Variants in NAALADL2 observed in about 807,000 individuals in gnomAD.
The protein encoded by NAALADL2 is inactive N-acetylated-alpha-linked acidic dipeptidase-like protein 2.
In NAALADL2, 76 loss-of-function variants were observed where a neutral mutation model predicts 87.2. That is an observed-to-expected ratio of 0.87 (90% CI 0.72 to 1.05). The LOEUF (loss-of-function observed/expected upper bound fraction) is 1.05. Among genes scored for constraint, NAALADL2 ranks in the 50% least tolerant of loss-of-function variants. The pLI is 0.00. For synonymous variants in NAALADL2, 354 were observed against 331.0 expected, an observed-to-expected ratio of 1.07 and a Z score of -0.75; for missense variants, 1,089 against 945.8, an observed-to-expected ratio of 1.15 and a Z score of -1.99.
chr3:174,833,086 ACTGT>A (rs1470837423), intron 3 of NAALADL2, among the ~76,000 whole-genome samples: 16 of 152,176 alleles, frequency 1.1e-4, no homozygotes, highest in African/African-American at 3.4e-4. Flanking sequence ...ACTTTTAAAT[ACTGT>A]CTATTTAATT....
At chr3:174,592,324 C>T (rs1333111333) in intron 2 of NAALADL2, among the ~76,000 whole-genome samples, 1 of 151,998 alleles carries the variant, frequency 6.6e-6, no homozygotes, top group Non-Finnish European at 1.5e-5. Context: ...TGTATCTAAA[C>T]ATGTGTATGT....
chr3:174,891,489 G>A (rs1003995701), intron 1 of NAALADL2, among the ~76,000 whole-genome samples: 8 of 152,040 alleles, frequency 5.3e-5, no homozygotes, highest in African/African-American at 1.9e-4. Flanking sequence ...GCCTCTCTGG[G>A]TGCTGGAGGA....
At chr3:175,474,536 AT>A (rs1010509978) in intron 9 of NAALADL2, among the ~76,000 whole-genome samples, 11 of 152,200 alleles carry the variant, frequency 7.2e-5, no homozygotes, top group African/African-American at 2.7e-4. Flanking sequence ...ATTACTGGAT[AT>A]ATTGAGGTAT....
intron 2 of NAALADL2, among the ~76,000 whole-genome samples, chr3:174,585,217 T>C (rs1716572448): frequency 6.6e-6 from 1 of 152,140 alleles, no homozygotes; most frequent in Admixed American, 6.5e-5. Context: ...TAATCATTTG[T>C]GGAGTTTTGA....
chr3:174,777,700 G>T (rs368482442), intron 3 of NAALADL2, among the ~76,000 whole-genome samples: 1 of 152,042 alleles, frequency 6.6e-6, no homozygotes, highest in African/African-American at 2.4e-5. Context: ...TTTCCTTAAT[G>T]ACTTAAAAGA....
intron 2 of NAALADL2, among the ~76,000 whole-genome samples, chr3:175,197,988 C>A (rs1238098064): frequency 6.6e-6 from 1 of 152,000 alleles, no homozygotes; most frequent in Admixed American, 6.6e-5. Flanking sequence ...ATATAAATAT[C>A]TAATCTGTTG....
chr3:174,885,881 T>G (rs935396482), intron 1 of NAALADL2, among the ~76,000 whole-genome samples: 534 of 6,672 alleles, frequency 0.08, no homozygotes, highest in Non-Finnish European at 0.12. Flanking sequence ...GAGTTGTTTT[T>G]TTTTTTTTTT....
rs139865445 is a variant in NAALADL2 at position 175,237,744 on chromosome 3, C to T, written c.819+3540C>T. ...ATATTTTAACTTTCAAACTAATGCACGTGTGTATGTATCTATAACAATGGC... is the reference window on the plus strand; with the variant it reads ...ATATTTTAACTTTCAAACTAATGCATGTGTGTATGTATCTATAACAATGGC... On this transcript the variant is annotated intron_variant, in intron 3 of 13. Transcript: ENST00000454872. 8.2e-3 allele frequency among the ~76,000 whole-genome samples: 1,250 copies of T among 152,110 alleles called. 18 individuals are homozygous for T. The highest frequency in any genetic ancestry group is 0.029 in the African/African-American group (1,190 of 41,508).
At chr3:174,606,957 C>T (rs1216280487) in intron 2 of NAALADL2, among the ~76,000 whole-genome samples, 3 of 152,168 alleles carry the variant, frequency 2.0e-5, no homozygotes, top group Non-Finnish European at 4.4e-5. Context: ...ATCAGACTAA[C>T]AGCGGATCTC....
rs1428244215 is a variant in NAALADL2 at position 175,397,525 on chromosome 3, G to A, written c.1091-49704G>A. Among the ~76,000 whole-genome samples the A allele has an allele frequency of 2.0e-5, 3 of 152,116 alleles. No individual in the cohort carries two copies. In the East Asian group the frequency reaches 5.8e-4, roughly 29 times the overall value. ...TTCTGAGCCCACTGAATTCCCCTAG[G>A]GACAGGAAGGCTGAGCAGCAGTGAC... On this transcript the variant is annotated intron_variant, in intron 5 of 13. Coordinates refer to ENST00000454872, the MANE Select transcript of NAALADL2 (RefSeq NM_207015.3).
chr3:174,551,988 T>C (rs1287350457), intron 2 of NAALADL2, among the ~76,000 whole-genome samples: 1 of 152,206 alleles, frequency 6.6e-6, no homozygotes, highest in Non-Finnish European at 1.5e-5. Flanking sequence ...TCAGTTTTTT[T>C]CTATGTAGAA....
intron 1 of NAALADL2, among the ~76,000 whole-genome samples, chr3:175,096,151 T>G (rs1721119712): frequency 6.6e-6 from 1 of 152,102 alleles, no homozygotes; most frequent in African/African-American, 2.4e-5. Flanking sequence ...ATCTTGGTCC[T>G]CTCTCATACT....
At chr3:175,560,010 T>A (rs1028168543) in intron 9 of NAALADL2, among the ~76,000 whole-genome samples, 3 of 152,196 alleles carry the variant, frequency 2.0e-5, no homozygotes, top group African/African-American at 7.2e-5. Flanking sequence ...TGAGTAGCAT[T>A]GGTATCAGAT....
intron 2 of NAALADL2, among the ~76,000 whole-genome samples, chr3:175,233,205 A>G (rs1308546756): frequency 1.3e-5 from 2 of 152,162 alleles, no homozygotes; most frequent in African/African-American, 4.8e-5. Context: ...TCTCTGTATT[A>G]TTTTAAATAG....
At chr3:175,501,424 G>GACACACACACACACACACACAC (rs61284771) in intron 9 of NAALADL2, among the ~76,000 whole-genome samples, 10,266 of 148,802 alleles carry the variant, frequency 0.069, 437 homozygotes, top group African/African-American at 0.11. Flanking sequence ...ATACGTTTTA[G>GACACACACACACACACACACAC]ACACACACAC....
intron 3 of NAALADL2, among the ~76,000 whole-genome samples, chr3:174,833,672 A>G (rs535072383): frequency 6.6e-6 from 1 of 152,222 alleles, no homozygotes; most frequent in South Asian, 2.1e-4. Flanking sequence ...ATACTATCAA[A>G]TTCAATGCAG....
intron 1 of NAALADL2, among the ~76,000 whole-genome samples, chr3:174,904,979 A>T (rs1667598566): frequency 6.6e-6 from 1 of 151,718 alleles, no homozygotes; most frequent in Non-Finnish European, 1.5e-5. Flanking sequence ...TTCTTATGGG[A>T]TTGCTGTATT....
intron 3 of NAALADL2, among the ~76,000 whole-genome samples, chr3:174,832,467 T>G (rs556366556): frequency 2.2e-4 from 34 of 152,166 alleles, no homozygotes; most frequent in East Asian, 1.2e-3. Context: ...CCCTGTGGTG[T>G]TGTTGTTTTT....
intron 9 of NAALADL2, among the ~76,000 whole-genome samples, chr3:175,503,544 C>G (rs990644360): frequency 6.6e-6 from 1 of 152,172 alleles, no homozygotes; most frequent in Admixed American, 6.6e-5. Flanking sequence ...TACATTGCCA[C>G]TAGCAATGTG....
Sources: allele counts gnomAD v4.1 joint callset (sites outside exome capture counted in the v4.1 genomes callset), GRCh38; gene constraint gnomAD v4.1.1; transcripts MANE v1.5; gene names NCBI Gene and HGNC (gene_info 2026-07-23, HGNC 2026-07-21).